The following TENM4 variants were observed in gnomAD, a reference collection of about 807,000 sequenced individuals.
TENM4 encodes the protein teneurin-4.
TENM4 carries 82 observed loss-of-function variants against 243.3 expected under a neutral mutation model. The observed-to-expected ratio is 0.34, with a 90% CI of 0.28 to 0.40. The LOEUF (loss-of-function observed/expected upper bound fraction) is 0.40. TENM4 is among the 10% of genes least tolerant of loss of function. The pLI is 1.00. For missense variants in TENM4, 3,138 were observed against 3,673.3 expected (o/e 0.85, Z 3.77); for synonymous variants, 1,412 against 1,456.3 (o/e 0.97, Z 0.69).
intron 6 of TENM4, among the ~76,000 whole-genome samples, chr11:78,996,301 T>A (rs1858170657): frequency 6.6e-6 from 1 of 152,092 alleles, no homozygotes; most frequent in Admixed American, 6.6e-5. Flanking sequence ...CCAACTATCA[T>A]GAAAAGAAGT....
rs1565220689 is a variant in TENM4 at position 79,139,720 on chromosome 11, A to AAATATATATTATATTTATATAAATAT, written c.-66+8964_-66+8989dup. Reference sequence around the variant, plus strand: ...TATATAATATTTATATAAGTATATAAAATATATATTATATTTATATAAATA... The same window carrying AAATATATATTATATTTATATAAATAT: ...TATATAATATTTATATAAGTATATAAAATATATATTATATTTATATAAATATAATATATATTATATTTATATAAATA... On this transcript the variant is annotated intron_variant, in intron 4 of 33. Transcript: ENST00000278550. 8.6e-5 allele frequency among the ~76,000 whole-genome samples: 4 copies of AAATATATATTATATTTATATAAATAT among 46,726 alleles called. 1 individual carries two copies. The highest frequency in any genetic ancestry group is 6.8e-4 in the African/African-American group (3 of 4,442). The allele number at this position is 46,726 out of a possible 152,430, so 30.7% of individuals were successfully genotyped here.
chr11:78,771,115 C>T lies in TENM4; in HGVS notation c.2416G>A (p.Gly806Ser). The change falls in exon 18 of 34, where the codon GGC becomes AGC. Residue 806 changes from glycine (G) to serine (S), a missense_variant. This residue lies in a region of TENM4 where 2,467 missense variants were observed against 3,059.1 expected (regional missense o/e 0.81). Coordinates refer to ENST00000278550, the MANE Select transcript of TENM4 (RefSeq NM_001098816.3). ...VKEGCPGLCNGNGRCTLDLNG... is the reference protein window; with the variant it reads ...VKEGCPGLCNSNGRCTLDLNG... Reference sequence around the variant, plus strand: ...AGGTCTAAGGTACATCTGCCGTTGCCATTGCACAACCCAGGGCAACCCTCT... The same window carrying T: ...AGGTCTAAGGTACATCTGCCGTTGCTATTGCACAACCCAGGGCAACCCTCT... The T allele has an allele frequency of 2.5e-6, 4 of 1,571,098 alleles. No individual in the cohort carries two copies. Among genetic ancestry groups the T allele is most frequent in the Non-Finnish European group, 3.5e-6 (4 of 1,157,960 alleles).
At chr11:79,416,558 G>C (rs1259235442) in intron 1 of TENM4, among the ~76,000 whole-genome samples, 1 of 152,066 alleles carries the variant, frequency 6.6e-6, no homozygotes, top group African/African-American at 2.4e-5. Flanking sequence ...AACATTACTG[G>C]TTTCTGTTTA....
At chr11:79,197,093 G>T (rs1863644559) in intron 3 of TENM4, among the ~76,000 whole-genome samples, 1 of 152,220 alleles carries the variant, frequency 6.6e-6, no homozygotes, top group South Asian at 2.1e-4. Context: ...CAACTAGAAT[G>T]TAGGGCTGGC....
At chr11:79,147,735 C>T (rs1027130365) in intron 4 of TENM4, among the ~76,000 whole-genome samples, 12 of 152,040 alleles carry the variant, frequency 7.9e-5, no homozygotes, top group African/African-American at 1.7e-4. Flanking sequence ...TACATCCTCA[C>T]GCAACCCTTT....
At chr11:79,427,576 A>C (rs948926580) in intron 1 of TENM4, among the ~76,000 whole-genome samples, 11 of 152,320 alleles carry the variant, frequency 7.2e-5, no homozygotes, top group African/African-American at 2.6e-4. Context: ...ACTGGAAAGA[A>C]AATCAAAAGG....
intron 12 of TENM4, among the ~76,000 whole-genome samples, chr11:78,840,468 A>T (rs1858232479): frequency 6.6e-6 from 1 of 152,224 alleles, no homozygotes; most frequent in South Asian, 2.1e-4. Flanking sequence ...CCAGATGCTC[A>T]GAGGTTTCTG....
intron 9 of TENM4, among the ~76,000 whole-genome samples, chr11:78,868,876 C>T (rs547235472): frequency 6.6e-6 from 1 of 152,112 alleles, no homozygotes; most frequent in Non-Finnish European, 1.5e-5. Context: ...ACCAACCCAA[C>T]CACGCAGCTA....
intron 4 of TENM4, among the ~76,000 whole-genome samples, chr11:79,084,551 G>A (rs1860758046): frequency 6.6e-6 from 1 of 152,170 alleles, no homozygotes; most frequent in Admixed American, 6.5e-5. Flanking sequence ...ATGAACTAAT[G>A]CTACCAATAA....
chr11:79,383,135 T>C (rs114952017), intron 1 of TENM4, among the ~76,000 whole-genome samples: 2,046 of 152,260 alleles, frequency 0.013, 51 homozygotes, highest in African/African-American at 0.047. Flanking sequence ...GTCCCCTTTC[T>C]GGCCACCCCT....
chr11:78,794,692 G>C (rs1299941622), intron 15 of TENM4, among the ~76,000 whole-genome samples: 1 of 152,244 alleles, frequency 6.6e-6, no homozygotes, highest in African/African-American at 2.4e-5. Context: ...AGCTGTGAGT[G>C]ATGGACCAGC....
chr11:78,751,452 G>C (rs1176417847), intron 19 of TENM4, among the ~76,000 whole-genome samples: 3 of 152,072 alleles, frequency 2.0e-5, no homozygotes, highest in African/African-American at 7.2e-5. Flanking sequence ...GAGGAACCCA[G>C]CAAGATTTGC....
At chr11:79,208,270 C>A (rs1449698634) in intron 3 of TENM4, among the ~76,000 whole-genome samples, 4 of 152,174 alleles carry the variant, frequency 2.6e-5, no homozygotes, top group Admixed American at 1.3e-4. Flanking sequence ...ATGAGTAAGG[C>A]CTTTGCCTAT....
chr11:78,805,281 C>CACCCACCACACCCCA lies in TENM4; in HGVS notation c.2179+10_2179+11insTGGGGTGTGGTGGGT. On this transcript the variant is annotated intron_variant, in intron 15 of 33. Transcript: ENST00000278550. ...TCCCTCTACCCATGCTTCTTCTCCCCCTGCATTTACCGATAGAACAGTCGT... is the reference window on the plus strand; with the variant it reads ...TCCCTCTACCCATGCTTCTTCTCCCCACCCACCACACCCCACTGCATTTACCGATAGAACAGTCGT... 12 of 1,488,460 alleles carry CACCCACCACACCCCA rather than the reference C, an allele frequency of 8.1e-6. No individual in the cohort carries two copies. The highest frequency in any genetic ancestry group is 1.4e-5 in the African/African-American group (1 of 70,240). The allele number at this position is 1,488,460 out of a possible 1,614,324, so 92.2% of individuals were successfully genotyped here. A position where few individuals can be genotyped will look rare whatever the true frequency, so the allele number is the denominator to read the frequency against.
intron 4 of TENM4, among the ~76,000 whole-genome samples, chr11:79,084,910 T>C (rs908911607): frequency 6.6e-6 from 1 of 152,062 alleles, no homozygotes; most frequent in Admixed American, 6.6e-5. Context: ...ATAAGATGAG[T>C]GGATTGTATC....
intron 1 of TENM4, among the ~76,000 whole-genome samples, chr11:79,430,198 AAAAG>A (rs1381195271): frequency 7.7e-6 from 1 of 129,530 alleles, no homozygotes; most frequent in Non-Finnish European, 1.7e-5. Flanking sequence ...GAAAAAAAAA[AAAAG>A]AAAAAAGAAA....
chr11:79,113,392 G>GGTGT (rs113144339), intron 4 of TENM4, among the ~76,000 whole-genome samples: 2,846 of 145,148 alleles, frequency 0.02, 112 homozygotes, highest in African/African-American at 0.069. Context: ...CTATTGGATT[G>GGTGT]GTGTGTGTGT....
intron 2 of TENM4, among the ~76,000 whole-genome samples, chr11:79,253,323 C>T (rs572302784): frequency 1.3e-5 from 2 of 152,304 alleles, no homozygotes; most frequent in East Asian, 3.9e-4. Context: ...GGCTATTTTC[C>T]TTTTATGAGG....
chr11:78,993,017 T>C (rs1858083444), intron 6 of TENM4, among the ~76,000 whole-genome samples: 1 of 152,222 alleles, frequency 6.6e-6, no homozygotes, highest in Non-Finnish European at 1.5e-5. Flanking sequence ...ATAACCAACC[T>C]GTGCTATTAC....
Sources: allele counts gnomAD v4.1 joint callset (sites outside exome capture counted in the v4.1 genomes callset), GRCh38; gene constraint gnomAD v4.1.1; regional missense constraint gnomAD v4.1.1; transcripts MANE v1.5; gene names NCBI Gene and HGNC (gene_info 2026-07-23, HGNC 2026-07-21).